ECHDC2: variants seen among roughly 807,000 people sequenced by gnomAD.
The protein encoded by ECHDC2 is enoyl-CoA hydratase domain containing 2, also known as enoyl-CoA hydratase domain-containing protein 2, mitochondrial.
In ECHDC2, 34 loss-of-function variants were observed where a neutral mutation model predicts 40.6. The observed-to-expected ratio is 0.84, with a 90% CI of 0.64 to 1.11. ECHDC2 has a LOEUF of 1.11. Among genes scored for constraint, ECHDC2 ranks in the 50% most tolerant of loss-of-function variants. The probability of loss-of-function intolerance (pLI) is 0.00; values close to 1 mark genes in which losing one functional copy is unlikely to be tolerated. For missense variants in ECHDC2, 392 were observed against 400.7 expected (o/e 0.98, Z 0.19); for synonymous variants, 162 against 166.6 (o/e 0.97, Z 0.21).
intron 3 of ECHDC2, among the ~76,000 whole-genome samples, chr1:52,909,689 A>G (rs547387269): frequency 1.3e-5 from 2 of 152,332 alleles, no homozygotes; most frequent in African/African-American, 2.4e-5. Context: ...GATTACTTAC[A>G]ATACCTAATA....
At chr1:52,921,024 T>C (rs981004385) in intron 1 of ECHDC2, among the ~76,000 whole-genome samples, 3 of 152,106 alleles carry the variant, frequency 2.0e-5, no homozygotes, top group Admixed American at 1.3e-4. Context: ...CTCCATACTA[T>C]CCTTGATCTT....
intron 7 of ECHDC2, chr1:52,900,906 TCA>T (rs1211283060): frequency 6.6e-6 from 1 of 152,276 alleles, no homozygotes; most frequent in African/African-American, 2.4e-5. Context: ...ACGCCTGTAA[TCA>T]CAGGGCTTTG....
At chr1:52,920,527 A>G in intron 1 of ECHDC2, 1 of 1,534,368 alleles carries the variant, frequency 6.5e-7, no homozygotes, top group African/African-American at 1.4e-5. Context: ...AAACTCGAGG[A>G]GCTAAAATGG....
chr1:52,903,361 G>T (rs1030893071), intron 7 of ECHDC2, among the ~76,000 whole-genome samples: 6 of 152,062 alleles, frequency 3.9e-5, no homozygotes, highest in African/African-American at 1.4e-4. Context: ...CGTACCCAAC[G>T]TGTAGTCTTT....
rs202071865 is a variant in ECHDC2 at position 52,904,655 on chromosome 1, G to C, written c.693C>G (p.Ile231Met). 1.3e-6 allele frequency: 2 copies of C among 1,593,934 alleles called. No individual in the cohort carries two copies. Among genetic ancestry groups the C allele is most frequent in the East Asian group, 2.2e-5 (1 of 44,594 alleles). Residue 231 changes from isoleucine to methionine, a missense_variant, in exon 7 of 10, where the codon ATC (isoleucine) becomes ATG (methionine). By Grantham distance (10) the Ile-to-Met change is conservative (BLOSUM62 1). Transcript: ENST00000371522. ...CGAGCTGTCACCACACCTGGGGCAGGATCTCCTGGGCCAGTGCTCGTGCCC... is the reference window on the plus strand; with the variant it reads ...CGAGCTGTCACCACACCTGGGGCAGCATCTCCTGGGCCAGTGCTCGTGCCC... ...YQRARALAQEILPQAPIAVRL... is the reference protein window; with the variant it reads ...YQRARALAQEMLPQAPIAVRL...
chr1:52,911,302 G>T (rs1342048362), intron 3 of ECHDC2, among the ~76,000 whole-genome samples: 1 of 152,022 alleles, frequency 6.6e-6, no homozygotes, highest in Non-Finnish European at 1.5e-5. Flanking sequence ...TATTTCCCCC[G>T]TGAAGGGTCA....
At chr1:52,908,622 C>T (rs1648567784) in intron 3 of ECHDC2, among the ~76,000 whole-genome samples, 1 of 151,864 alleles carries the variant, frequency 6.6e-6, no homozygotes, top group Admixed American at 6.6e-5. Flanking sequence ...AACTAAACAA[C>T]AAAACAACCC....
At chr1:52,910,173 G>A (rs962325015) in intron 3 of ECHDC2, among the ~76,000 whole-genome samples, 14 of 152,126 alleles carry the variant, frequency 9.2e-5, no homozygotes, top group African/African-American at 2.4e-4. Context: ...GGAGGGGAAG[G>A]GGGAATGGGA....
rs766724913 is a variant in ECHDC2, at chr1:52,899,155, C to T, written c.753+19G>A. On this transcript the variant is annotated intron_variant, in intron 8 of 9. Coordinates refer to ENST00000371522, the MANE Select transcript of ECHDC2 (RefSeq NM_001198961.2). The stretch of plus-strand genomic sequence containing the variant: ...GACCAACTTTAGTGGACCCAAGTCC[C>T]AACCCAAAACCCTCTCACCTCCGTT... The T allele has an allele frequency of 1.2e-6, 2 of 1,614,182 alleles. No individual in the cohort carries two copies. Among genetic ancestry groups the T allele is most frequent in the Non-Finnish European group, 1.7e-6 (2 of 1,180,016 alleles).
chr1:52,918,904 C>T (rs949993543), intron 1 of ECHDC2, among the ~76,000 whole-genome samples: 1 of 152,100 alleles, frequency 6.6e-6, no homozygotes, highest in African/African-American at 2.4e-5. Flanking sequence ...AGGAACTGGG[C>T]CACACAACAG....
At chr1:52,907,371 A>C (rs1160325544) in intron 4 of ECHDC2, 1 of 154,402 alleles carries the variant, frequency 6.5e-6, no homozygotes, top group Non-Finnish European at 1.4e-5. Flanking sequence ...GGAACACAGA[A>C]TGAATCAGAC....
intron 9 of ECHDC2, chr1:52,896,956 TC>T (rs1356806023): frequency 3.3e-6 from 1 of 306,472 alleles, no homozygotes; most frequent in African/African-American, 2.1e-5. Flanking sequence ...CACTAGTTTC[TC>T]CAAGTCCCAG....
At chr1:52,901,092 A>G (rs1165099313) in intron 7 of ECHDC2, 1 of 152,236 alleles carries the variant, frequency 6.6e-6, no homozygotes, top group Admixed American at 6.5e-5. Flanking sequence ...TGAGAGGTCA[A>G]TGCTCCAGTG....
chr1:52,896,893 A>C (rs1471235619), intron 9 of ECHDC2: 3 of 362,152 alleles, frequency 8.3e-6, no homozygotes, highest in Non-Finnish European at 1.5e-5. Context: ...GAGGCTGCTC[A>C]GTAGAGAAAA....
intron 9 of ECHDC2, 52 bp from the exon 10 acceptor site, chr1:52,896,649 A>G (rs1227715529): frequency 1.4e-6 from 2 of 1,469,280 alleles, no homozygotes; most frequent in African/African-American, 1.4e-5. Flanking sequence ...CACAGGCCCA[A>G]AAAGAGTTGC....
At position 52,914,413 on chromosome 1, in the gene ECHDC2, C is replaced by T. The variant is rs182973028; in HGVS notation, c.122-2623G>A. Among the ~76,000 whole-genome samples the T allele has an allele frequency of 3.9e-4, 60 of 152,264 alleles. No homozygotes were observed. The highest frequency in any genetic ancestry group is 1.3e-3 in the African/African-American group (54 of 41,546). Reference sequence around the variant, plus strand: ...GAAGGGGGCAGTCCAGGAGAGAAGCCTGTTGCAGGCAGAGGGAGTGGCAGA... The same window carrying T: ...GAAGGGGGCAGTCCAGGAGAGAAGCTTGTTGCAGGCAGAGGGAGTGGCAGA... On this transcript the variant is annotated intron_variant, in intron 1 of 9. Coordinates refer to ENST00000371522, the MANE Select transcript of ECHDC2 (RefSeq NM_001198961.2). The surrounding 1 kb of genome is among the most constrained non-coding windows in gnomAD (Gnocchi z 4.0).
rs780437070 is a variant in ECHDC2 at position 52,897,443 on chromosome 1, A to G, written c.795T>C (p.Tyr265=). The G allele has an allele frequency of 1.2e-6, 2 of 1,614,202 alleles. No individual in the cohort carries two copies. The highest frequency in any genetic ancestry group is 1.7e-5 in the Admixed American group (1 of 60,024). The change falls in exon 9 of 10, where the codon TAT becomes TAC. Residue 265 remains tyrosine (Y), a synonymous_variant. Transcript: ENST00000371522. ...ASGMAIEGMC[Y]AQNIPTRDRL... ...TGGGCTGGTTGCTACATACCTGGGC[A>G]TAGCACATCCCTTCAATGGCCATCC...
chr1:52,920,557 C>T, intron 1 of ECHDC2: 3 of 1,400,892 alleles, frequency 2.1e-6, no homozygotes, highest in Non-Finnish European at 3.0e-6. Flanking sequence ...GGGAAGGGGC[C>T]CTTGGCCACA....
chr1:52,903,821 C>CTTTTT (rs565248267), intron 7 of ECHDC2, among the ~76,000 whole-genome samples: 1 of 144,684 alleles, frequency 6.9e-6, no homozygotes, highest in Non-Finnish European at 1.5e-5. Flanking sequence ...TTCTTTCTTT[C>CTTTTT]TTTTTTTTTT....
Sources: allele counts gnomAD v4.1 joint callset (sites outside exome capture counted in the v4.1 genomes callset), GRCh38; gene constraint gnomAD v4.1.1; non-coding constraint Gnocchi (gnomAD v3.1); transcripts MANE v1.5; gene names NCBI Gene and HGNC (gene_info 2026-07-23, HGNC 2026-07-21).